The following CALCR variants were observed in gnomAD, a reference collection of about 807,000 sequenced individuals.
The protein encoded by CALCR is calcitonin receptor.
In CALCR, 47 loss-of-function variants were observed where a neutral mutation model predicts 59.5. The ratio of observed to expected loss-of-function variants is 0.79; its 90% CI spans 0.63 to 1.01. The LOEUF (loss-of-function observed/expected upper bound fraction) is 1.01. Among genes scored for constraint, CALCR ranks in the 50% least tolerant of loss-of-function variants. The probability of loss-of-function intolerance (pLI) is 0.00; values close to 1 mark genes in which losing one functional copy is unlikely to be tolerated. For missense variants in CALCR, 566 were observed against 597.1 expected (o/e 0.95, Z 0.54); for synonymous variants, 213 against 211.3 (o/e 1.01, Z -0.07).
At chr7:93,440,534 T>C (rs1227154465) in intron 9 of CALCR, among the ~76,000 whole-genome samples, 3 of 103,534 alleles carry the variant, frequency 2.9e-5, no homozygotes, top group Middle Eastern at 5.1e-3. Context: ...GGAATTTTGG[T>C]GTGTGTGTGT....
Position 93,472,482 on chromosome 7 carries a change from C to T in CALCR, c.322G>A (p.Val108Ile). ...CCTTTTTCATCACAGTATTTTGTAACCTTTTCTGTTAATGAAACATAACAG... is the reference window on the plus strand; with the variant it reads ...CCTTTTTCATCACAGTATTTTGTAATCTTTTCTGTTAATGAAACATAACAG... ...YFPDFDPSEKVTKYCDEKGVW... is the reference protein window; with the variant it reads ...YFPDFDPSEKITKYCDEKGVW... Residue 108 changes from valine (V) to isoleucine (I), a missense_variant, in exon 6 of 14, where the codon GTT (valine) becomes ATT (isoleucine). Physicochemically the swap from Val to Ile is conservative, Grantham distance 29. Coordinates refer to ENST00000426151, the MANE Select transcript of CALCR (RefSeq NM_001742.4). 6.4e-7 allele frequency: 1 copy of T among 1,572,416 alleles called. No individual in the cohort carries two copies. Among genetic ancestry groups the T allele is most frequent in the Non-Finnish European group, 8.7e-7 (1 of 1,144,330 alleles).
chr7:93,532,875 C>A lies in CALCR; in HGVS notation c.-27+41414G>T, dbSNP rs76765556. ...AAAAAAAAAAAAAATACTTACTCAA[C>A]CCTAACTACTTTTCTTTCATGAGCT... On this transcript the variant is annotated intron_variant, in intron 2 of 13. Coordinates refer to ENST00000426151, the MANE Select transcript of CALCR (RefSeq NM_001742.4). Among the ~76,000 whole-genome samples, 484 of 136,418 alleles carry A rather than the reference C, an allele frequency of 3.5e-3. 4 individuals are homozygous for A. The highest frequency in any genetic ancestry group is 0.015 in the African/African-American group (458 of 31,064). 89.5% of individuals were successfully genotyped at this position (136,418 alleles called of 152,430 possible). A position where few individuals can be genotyped will look rare whatever the true frequency, so the allele number is the denominator to read the frequency against.
At chr7:93,511,028 G>C (rs972584722) in intron 2 of CALCR, among the ~76,000 whole-genome samples, 2 of 151,966 alleles carry the variant, frequency 1.3e-5, no homozygotes, top group Non-Finnish European at 2.9e-5. Context: ...CTTGAATTGA[G>C]AGCGGAAAGA....
intron 2 of CALCR, among the ~76,000 whole-genome samples, chr7:93,504,973 A>G (rs1311208593): frequency 6.6e-6 from 1 of 152,156 alleles, no homozygotes; most frequent in East Asian, 1.9e-4. Flanking sequence ...CTTTTATAGT[A>G]TAAGCAGTGG....
intron 8 of CALCR, among the ~76,000 whole-genome samples, chr7:93,455,386 A>AT (rs1051460134): frequency 1.3e-5 from 2 of 150,694 alleles, no homozygotes; most frequent in Non-Finnish European, 3.0e-5. Context: ...CTTTCCCCAA[A>AT]TTTTTTTTTG....
intron 7 of CALCR, among the ~76,000 whole-genome samples, chr7:93,461,841 GTGA>G (rs202015844): frequency 6.6e-6 from 1 of 152,112 alleles, no homozygotes; most frequent in East Asian, 1.9e-4. Context: ...CAAAATTGCG[GTGA>G]TTATTCTAGA....
Position 93,437,924 on chromosome 7 carries a change from CT to C in CALCR, c.930+135del, listed in dbSNP as rs143554980. 5,387 of 844,400 alleles carry C rather than the reference CT, an allele frequency of 6.4e-3. 141 individuals are homozygous for C. The East Asian group carries it at 0.075, about 12-fold the overall frequency. 52.3% of individuals were successfully genotyped at this position (844,400 alleles called of 1,614,324 possible). On this transcript the variant is annotated intron_variant, in intron 11 of 13. Transcript: ENST00000426151. Reference sequence around the variant, plus strand: ...TTTTGAAGAGTCTAAAATCAAATTGCTTTTTTTTACTACAGAATACCATCAA... The same window carrying C: ...TTTTGAAGAGTCTAAAATCAAATTGCTTTTTTTACTACAGAATACCATCAA...
intron 5 of CALCR, among the ~76,000 whole-genome samples, chr7:93,473,113 G>C (rs1800588666): frequency 6.6e-6 from 1 of 151,630 alleles, no homozygotes; most frequent in Non-Finnish European, 1.5e-5. Context: ...AAATATATAG[G>C]GATCCAGGCT....
chr7:93,521,799 T>C (rs1341158802), intron 2 of CALCR, among the ~76,000 whole-genome samples: 7 of 152,194 alleles, frequency 4.6e-5, no homozygotes, highest in Admixed American at 4.6e-4. Context: ...TTAAATACTT[T>C]ATTAAATAAT....
intron 2 of CALCR, among the ~76,000 whole-genome samples, chr7:93,566,230 A>G (rs1789860702): frequency 6.6e-6 from 1 of 152,160 alleles, no homozygotes; most frequent in African/African-American, 2.4e-5. Context: ...TCCTAGAAGA[A>G]CTATATCACA....
At chr7:93,545,223 T>A (rs1436613385) in intron 2 of CALCR, among the ~76,000 whole-genome samples, 1 of 152,126 alleles carries the variant, frequency 6.6e-6, no homozygotes, top group Non-Finnish European at 1.5e-5. Context: ...AGTCGGCTCC[T>A]GAATAAAATA....
intron 2 of CALCR, among the ~76,000 whole-genome samples, chr7:93,497,446 T>G (rs1801232495): frequency 6.6e-6 from 1 of 151,590 alleles, no homozygotes; most frequent in African/African-American, 2.4e-5. Flanking sequence ...TAAGACAAAA[T>G]GTTGTAGATT....
At chr7:93,548,753 T>A (rs1389130714) in intron 2 of CALCR, among the ~76,000 whole-genome samples, 7 of 151,824 alleles carry the variant, frequency 4.6e-5, no homozygotes, top group African/African-American at 1.5e-4. Context: ...CTTTAACTAC[T>A]TAGGAATTAT....
In CALCR at chr7:93,438,125, A is replaced by G; in HGVS notation, c.865T>C (p.Cys289Arg). Residue 289 changes from cysteine (C) to arginine (R), a missense_variant and splice_region_variant, in exon 11 of 14, where the codon TGC (cysteine) becomes CGC (arginine). Transcript: ENST00000426151. The stretch of plus-strand genomic sequence containing the variant: ...AAATGGGTTTCCACACTCAGCCAGC[A>G]GCTGAAAAAGGGCAAGGGGACAATT... The part of the protein sequence containing the change: ...ITRAVYFNDN[C>R]WLSVETHLLY... 2 of 1,613,890 alleles carry G rather than the reference A, an allele frequency of 1.2e-6. No homozygotes were observed. The highest frequency in any genetic ancestry group is 1.7e-6 in the Non-Finnish European group (2 of 1,179,800).
intron 2 of CALCR, among the ~76,000 whole-genome samples, chr7:93,548,681 A>C (rs940779651): frequency 2.0e-5 from 3 of 151,346 alleles, no homozygotes; most frequent in Non-Finnish European, 4.4e-5. Flanking sequence ...GAAAAAAAAA[A>C]CCCAAAACAA....
chr7:93,436,931 A>C (rs1584535547), intron 11 of CALCR, among the ~76,000 whole-genome samples: 1 of 152,204 alleles, frequency 6.6e-6, no homozygotes, highest in East Asian at 1.9e-4. Context: ...TGCTGCTGTC[A>C]TAAATCAAGT....
chr7:93,438,317 C>A (rs774915053), intron 9 of CALCR, 47 bp from the exon 10 acceptor site: 23 of 1,388,290 alleles, frequency 1.7e-5, no homozygotes, highest in Admixed American at 8.4e-5. Context: ...TTGGTCATAA[C>A]CTTTAAGTAC....
At chr7:93,437,282 CTTTA>C (rs1584535760) in intron 11 of CALCR, among the ~76,000 whole-genome samples, 3 of 151,694 alleles carry the variant, frequency 2.0e-5, no homozygotes, top group Admixed American at 6.6e-5. Context: ...CTTCATTTTA[CTTTA>C]TTTATTATTT....
rs1432600130 is a variant in CALCR at position 93,460,562 on chromosome 7, A to G, written c.648+259T>C. Among the ~76,000 whole-genome samples, 46 of 85,788 alleles carry G rather than the reference A, an allele frequency of 5.4e-4. 2 individuals are homozygous for G. Among genetic ancestry groups the G allele is most frequent in the African/African-American group, 3.9e-3 (43 of 10,888 alleles). 56.3% of individuals were successfully genotyped at this position (85,788 alleles called of 152,430 possible). A position where few individuals can be genotyped will look rare whatever the true frequency, so the allele number is the denominator to read the frequency against. ...CAGAGTGAGACTCTATCTAAAAAAAAAAAAAAAAAAATATATATATATATA... is the reference window on the plus strand; with the variant it reads ...CAGAGTGAGACTCTATCTAAAAAAAGAAAAAAAAAAATATATATATATATA... On this transcript the variant is annotated intron_variant, in intron 8 of 13. Transcript: ENST00000426151.
Sources: gnomAD v4.1 joint callset for allele counts (sites outside exome capture counted in the v4.1 genomes callset) on GRCh38, gnomAD v4.1.1 for gene constraint, MANE v1.5 for transcripts, NCBI Gene and HGNC (gene_info 2026-07-23, HGNC 2026-07-21) for gene names.